PTH2R: variants seen among roughly 807,000 people sequenced by gnomAD.
The protein encoded by PTH2R is PTH2 receptor.
In PTH2R, 59 loss-of-function variants were observed where a neutral mutation model predicts 60.3. That is an observed-to-expected ratio of 0.98 (90% CI 0.79 to 1.22). The LOEUF is 1.22. Among genes scored for constraint, PTH2R ranks in the 50% most tolerant of loss-of-function variants. The pLI, the probability that PTH2R is intolerant of heterozygous loss-of-function variation, is 0.00. For missense variants in PTH2R, 749 were observed against 682.6 expected (o/e 1.10, Z -1.08); for synonymous variants, 256 against 243.8 (o/e 1.05, Z -0.47).
At chr2:208,461,183 C>G (rs1466915518) in intron 9 of PTH2R, among the ~76,000 whole-genome samples, 2 of 152,036 alleles carry the variant, frequency 1.3e-5, no homozygotes, top group Non-Finnish European at 2.9e-5. Flanking sequence ...TCCATATATC[C>G]TAGGAGAAGC....
intron 10 of PTH2R, 56 bp downstream of exon 10, chr2:208,481,220 T>A: frequency 9.9e-5 from 1 of 10,124 alleles, no homozygotes; most frequent in Non-Finnish European, 1.8e-4. Context: ...ATTTCTTTCC[T>A]TTTTTTTTTT....
At chr2:208,434,686 A>C (rs1574869304) in intron 2 of PTH2R, among the ~76,000 whole-genome samples, 1 of 152,200 alleles carries the variant, frequency 6.6e-6, no homozygotes, top group African/African-American at 2.4e-5. Context: ...GTAATTACAC[A>C]ATAGATACTG....
chr2:208,361,138 G>GC (rs1700464537), intron 1 of PTH2R: 1 of 158,516 alleles, frequency 6.3e-6, no homozygotes, highest in Non-Finnish European at 1.4e-5. Context: ...TACCCTCCTG[G>GC]CCCGTCAGCG....
intron 11 of PTH2R, among the ~76,000 whole-genome samples, chr2:208,490,148 A>G (rs1703371256): frequency 6.6e-6 from 1 of 152,154 alleles, no homozygotes. Flanking sequence ...AGAACAGGGA[A>G]CTTGTCTGTT....
chr2:208,425,757 G>T (rs553833015), intron 1 of PTH2R, among the ~76,000 whole-genome samples: 24 of 152,284 alleles, frequency 1.6e-4, no homozygotes, highest in South Asian at 2.1e-4. Context: ...CTTGGCTAGA[G>T]AGCAGGCTTC....
intron 12 of PTH2R, 28 bp from the exon 13 acceptor site, chr2:208,493,236 C>T (rs953709868): frequency 6.7e-7 from 1 of 1,481,984 alleles, no homozygotes; most frequent in South Asian, 1.5e-5. Context: ...TAGGATTTCT[C>T]ATGCACAGCA....
At chr2:208,457,997 C>G (rs1025731930) in intron 8 of PTH2R, among the ~76,000 whole-genome samples, 1 of 152,126 alleles carries the variant, frequency 6.6e-6, no homozygotes, top group African/African-American at 2.4e-5. Flanking sequence ...ACAATCAATA[C>G]TGGGTTTTGT....
chr2:208,383,622 T>C (rs1398798462), intron 1 of PTH2R, among the ~76,000 whole-genome samples: 2 of 152,232 alleles, frequency 1.3e-5, no homozygotes, highest in African/African-American at 2.4e-5. Context: ...TATCTAAATC[T>C]CTTCTGTCTT....
chr2:208,491,168 C>CTGCTG (rs1462368295), intron 12 of PTH2R, among the ~76,000 whole-genome samples: 4 of 152,220 alleles, frequency 2.6e-5, no homozygotes, highest in Admixed American at 6.5e-5. Flanking sequence ...TTAATATGCC[C>CTGCTG]TGCTGTTGGA....
intron 1 of PTH2R, among the ~76,000 whole-genome samples, chr2:208,421,163 CTG>C (rs1701747825): frequency 6.6e-6 from 1 of 152,178 alleles, no homozygotes. Flanking sequence ...TTTCATTTAA[CTG>C]TGTATGAGCC....
intron 12 of PTH2R, among the ~76,000 whole-genome samples, chr2:208,492,429 A>G (rs1394563847): frequency 6.6e-6 from 1 of 152,192 alleles, no homozygotes; most frequent in African/African-American, 2.4e-5. Context: ...TAAAGGGAGA[A>G]TGAGGGAGGT....
chr2:208,445,717 C>T (rs528157252), intron 7 of PTH2R, among the ~76,000 whole-genome samples: 9 of 152,178 alleles, frequency 5.9e-5, no homozygotes, highest in African/African-American at 1.9e-4. Context: ...TAAGAATATG[C>T]CTTTGCCTAT....
chr2:208,418,505 G>GA (rs1391340090), intron 1 of PTH2R, among the ~76,000 whole-genome samples: 1 of 150,950 alleles, frequency 6.6e-6, no homozygotes, highest in East Asian at 1.9e-4. Context: ...AGCAAATACA[G>GA]AAAAAAAGTG....
intron 1 of PTH2R, among the ~76,000 whole-genome samples, chr2:208,399,580 T>C (rs888596248): frequency 6.6e-6 from 1 of 152,096 alleles, no homozygotes; most frequent in Non-Finnish European, 1.5e-5. Context: ...TTGGCAACAC[T>C]TTGCACAAGG....
rs572123879 is a variant in PTH2R, at chr2:208,363,376, G to A, written c.-259+3139G>A. Among the ~76,000 whole-genome samples, 8 of 152,202 alleles carry A rather than the reference G, an allele frequency of 5.3e-5. No homozygotes were observed. The East Asian group carries it at 1.5e-3, about 29-fold the overall frequency. On this transcript the variant is annotated intron_variant, in intron 1 of 12. Coordinates refer to the PTH2R transcript ENST00000617735. ...ACATGATTTCGTTCTTCTTATAGCT[G>A]TGGTGTATATGTACCACATTTTCTT...
intron 7 of PTH2R, among the ~76,000 whole-genome samples, chr2:208,449,500 A>G (rs1401151781): frequency 6.6e-6 from 1 of 151,446 alleles, no homozygotes; most frequent in Non-Finnish European, 1.5e-5. Context: ...TGAACCTAAG[A>G]AATAACCAGA....
rs371855073 is a variant in PTH2R at position 208,438,147 on chromosome 2, A to AT, written c.411+266_411+267insT. The stretch of plus-strand genomic sequence containing the variant: ...TTTATTATGTTAGATTACATTGTTT[A>AT]CTTGCATTATATTATGCTATATTAT... On this transcript the variant is annotated intron_variant, in intron 4 of 12. Transcript: ENST00000272847. Among the ~76,000 whole-genome samples the AT allele has an allele frequency of 0.034, 136 of 4,056 alleles. 1 individual carries two copies. In the Non-Finnish European group the frequency reaches 0.34, roughly 10 times the overall value. The allele number at this position is 4,056 out of a possible 152,430, so 2.7% of individuals were successfully genotyped here. A position where few individuals can be genotyped will look rare whatever the true frequency, so the allele number is the denominator to read the frequency against.
At chr2:208,373,016 G>A (rs530647965) in intron 1 of PTH2R, among the ~76,000 whole-genome samples, 53 of 152,116 alleles carry the variant, frequency 3.5e-4, no homozygotes, top group Non-Finnish European at 7.2e-4. Context: ...AGCTCGGGAT[G>A]TGGAGGCTGC....
chr2:208,431,518 C>T (rs1701971277), intron 2 of PTH2R, among the ~76,000 whole-genome samples: 1 of 152,144 alleles, frequency 6.6e-6, no homozygotes, highest in Non-Finnish European at 1.5e-5. Flanking sequence ...AATTATTGAC[C>T]TAAGTCCAAT....
Sources: gnomAD v4.1 joint callset for allele counts (sites outside exome capture counted in the v4.1 genomes callset) on GRCh38, gnomAD v4.1.1 for gene constraint, MANE v1.5 for transcripts, NCBI Gene and HGNC (gene_info 2026-07-23, HGNC 2026-07-21) for gene names.